The following DISP1 variants were observed in gnomAD, a reference collection of about 807,000 sequenced individuals.
DISP1 encodes protein dispatched homolog 1.
In DISP1, 30 loss-of-function variants were observed where a neutral mutation model predicts 37.3. The ratio of observed to expected loss-of-function variants is 0.80; its 90% CI spans 0.60 to 1.09. The LOEUF is 1.09. Ranked by LOEUF, DISP1 falls within the 50% of genes least tolerant of loss-of-function variation. The probability of loss-of-function intolerance (pLI) is 0.00; values close to 1 mark genes in which losing one functional copy is unlikely to be tolerated. For synonymous variants in DISP1, 634 were observed against 690.2 expected (o/e 0.92, Z 1.28); for missense variants, 1,598 against 1,879.5 (o/e 0.85, Z 2.77).
At chr1:222,998,735 T>C (rs1042419931) in intron 8 of DISP1, among the ~76,000 whole-genome samples, 1 of 152,162 alleles carries the variant, frequency 6.6e-6, no homozygotes, top group South Asian at 2.1e-4. Flanking sequence ...CTTTGTACAA[T>C]GTAGAAGTTG....
At chr1:222,871,173 A>G (rs1228305038) in intron 1 of DISP1, among the ~76,000 whole-genome samples, 1 of 152,196 alleles carries the variant, frequency 6.6e-6, no homozygotes, top group East Asian at 1.9e-4. Flanking sequence ...GACCAGTACC[A>G]TACTATTTTG....
intron 2 of DISP1, among the ~76,000 whole-genome samples, chr1:222,940,816 G>C (rs959060213): frequency 6.6e-6 from 1 of 152,190 alleles, no homozygotes. Context: ...GGAGAAAAGC[G>C]TGTGCCTGCA....
At chr1:222,995,602 C>T (rs1679002946) in intron 8 of DISP1, among the ~76,000 whole-genome samples, 1 of 152,206 alleles carries the variant, frequency 6.6e-6, no homozygotes, top group Non-Finnish European at 1.5e-5. Flanking sequence ...GTCTTCTCTA[C>T]AGCCAAAAAC....
At chr1:222,973,687 T>A (rs913220195) in intron 3 of DISP1, among the ~76,000 whole-genome samples, 2 of 152,226 alleles carry the variant, frequency 1.3e-5, no homozygotes, top group Non-Finnish European at 2.9e-5. Context: ...TCAGTGGACA[T>A]CCTTGCATAT....
chr1:222,874,620 A>G (rs892111070), intron 1 of DISP1, among the ~76,000 whole-genome samples: 2 of 152,016 alleles, frequency 1.3e-5, no homozygotes, highest in African/African-American at 4.8e-5. Context: ...CAGGTCCTTT[A>G]AGGACTTCTC....
intron 2 of DISP1, among the ~76,000 whole-genome samples, chr1:222,936,764 A>AAAATTATATATAATATATATGATATATAT (rs1673805643): frequency 3.9e-5 from 2 of 50,838 alleles, no homozygotes; most frequent in African/African-American, 7.4e-5. Flanking sequence ...ATGATATATA[A>AAAATTATATATAATATATATGATATATAT]AAATTATATA....
rs775124500 is a variant in DISP1, at chr1:223,002,853, G to A, written c.1456G>A (p.Gly486Arg). The change falls in exon 9 of 9, where the codon GGG (glycine) becomes AGG (arginine). Residue 486 changes from glycine to arginine, a missense_variant. Physicochemically the swap from Gly to Arg is moderately radical, Grantham distance 125. Coordinates refer to ENST00000675850, the MANE Select transcript of DISP1 (RefSeq NM_001377229.1). ...TTCTGACGGCGTGACTACCATCACC[G>A]GGATTGAGTTTGGTATCAAACACAG... Reference protein sequence around the residue: ...NSSDGVTTITGIEFGIKHSLF... With the variant: ...NSSDGVTTITRIEFGIKHSLF... The A allele has an allele frequency of 9.9e-6, 16 of 1,613,744 alleles. No individual in the cohort carries two copies. Among genetic ancestry groups the A allele is most frequent in the East Asian group, 6.7e-5 (3 of 44,874 alleles).
At chr1:222,999,255 A>T (rs1206603726) in intron 8 of DISP1, among the ~76,000 whole-genome samples, 2 of 152,164 alleles carry the variant, frequency 1.3e-5, no homozygotes. Flanking sequence ...GAATAACTAG[A>T]ATTAGAAGGG....
intron 1 of DISP1, among the ~76,000 whole-genome samples, chr1:222,891,425 A>G (rs1670936224): frequency 6.6e-6 from 1 of 152,198 alleles, no homozygotes; most frequent in Non-Finnish European, 1.5e-5. Flanking sequence ...GAAAGATTGA[A>G]GCTGGAAATA....
intron 3 of DISP1, among the ~76,000 whole-genome samples, chr1:222,960,192 G>A (rs1009515626): frequency 6.6e-6 from 1 of 152,140 alleles, no homozygotes; most frequent in Non-Finnish European, 1.5e-5. Flanking sequence ...GTGCCACATG[G>A]CACTTTTTCT....
At chr1:222,823,615 T>C (rs1663517341) in intron 1 of DISP1, among the ~76,000 whole-genome samples, 1 of 152,148 alleles carries the variant, frequency 6.6e-6, no homozygotes, top group Non-Finnish European at 1.5e-5. Flanking sequence ...ATTTCACCAT[T>C]ACACAATATA....
intron 3 of DISP1, among the ~76,000 whole-genome samples, chr1:222,967,576 A>G (rs1329459595): frequency 6.6e-6 from 1 of 152,192 alleles, no homozygotes; most frequent in Non-Finnish European, 1.5e-5. Context: ...GCCAGGAAGA[A>G]GGAATAGAAA....
intron 1 of DISP1, among the ~76,000 whole-genome samples, chr1:222,886,682 G>C (rs1421530578): frequency 6.6e-6 from 1 of 152,170 alleles, no homozygotes; most frequent in East Asian, 1.9e-4. Flanking sequence ...TGTTTTGAGA[G>C]ACCATTTATG....
intron 1 of DISP1, among the ~76,000 whole-genome samples, chr1:222,843,927 T>C (rs1437840260): frequency 2.0e-5 from 3 of 152,216 alleles, no homozygotes; most frequent in East Asian, 1.9e-4. Context: ...GATATAGATA[T>C]ATTATACCCC....
At chr1:222,902,521 T>C (rs1558320078) in intron 1 of DISP1, among the ~76,000 whole-genome samples, 1 of 151,954 alleles carries the variant, frequency 6.6e-6, no homozygotes, top group Non-Finnish European at 1.5e-5. Flanking sequence ...ACAGGCAACC[T>C]ACAAAATGGG....
chr1:222,980,333 C>T (rs1256156467), intron 3 of DISP1, among the ~76,000 whole-genome samples: 2 of 151,896 alleles, frequency 1.3e-5, no homozygotes, highest in African/African-American at 4.8e-5. Context: ...TACAGAGGCA[C>T]AGAGAGAAAC....
chr1:222,870,123 C>T (rs1669451926), intron 1 of DISP1, among the ~76,000 whole-genome samples: 1 of 152,086 alleles, frequency 6.6e-6, no homozygotes, highest in Non-Finnish European at 1.5e-5. Flanking sequence ...ATGAACTCAC[C>T]ATTTGTTATG....
chr1:222,854,905 G>A (rs547694580), intron 1 of DISP1, among the ~76,000 whole-genome samples: 1 of 151,966 alleles, frequency 6.6e-6, no homozygotes, highest in South Asian at 2.1e-4. Context: ...ACAGTTATTT[G>A]TGTGGCCTGG....
At chr1:222,869,591 G>A (rs911013862) in intron 1 of DISP1, among the ~76,000 whole-genome samples, 1 of 152,068 alleles carries the variant, frequency 6.6e-6, no homozygotes, top group African/African-American at 2.4e-5. Flanking sequence ...AGCAAAGCTT[G>A]GAGAAATCAT....
Sources: gnomAD v4.1 joint callset for allele counts (sites outside exome capture counted in the v4.1 genomes callset) on GRCh38, gnomAD v4.1.1 for gene constraint, MANE v1.5 for transcripts, NCBI Gene and HGNC (gene_info 2026-07-23, HGNC 2026-07-21) for gene names.